Variants in MYO5C observed in about 807,000 individuals in gnomAD.
The protein encoded by MYO5C is myosin VC.
A neutral mutation model predicts 235.7 loss-of-function variants in MYO5C; 194 were observed. The observed-to-expected ratio is 0.82, with a 90% confidence interval of 0.73 to 0.93. The LOEUF is 0.93. Ranked by LOEUF, MYO5C falls within the 40% of genes least tolerant of loss-of-function variation. The probability of loss-of-function intolerance (pLI) is 0.00; values close to 1 mark genes in which losing one functional copy is unlikely to be tolerated. For missense variants in MYO5C, 2,038 were observed against 2,127.2 expected, an observed-to-expected ratio of 0.96 and a Z score of 0.82; for synonymous variants, 707 against 754.8, an observed-to-expected ratio of 0.94 and a Z score of 1.04.
chr15:52,222,634 G>GGCAC (rs146264412), intron 29 of MYO5C, among the ~76,000 whole-genome samples: 1 of 131,442 alleles, frequency 7.6e-6, no homozygotes, highest in Non-Finnish European at 1.7e-5. Context: ...TGGGGTGGTG[G>GGCAC]GCAGTGAATG....
intron 1 of MYO5C, among the ~76,000 whole-genome samples, chr15:52,291,703 G>A (rs2037390142): frequency 7.2e-6 from 1 of 138,186 alleles, no homozygotes; most frequent in African/African-American, 2.7e-5. Context: ...GATATGTGTG[G>A]TCTTTTTTCT....
At chr15:52,203,019 C>A (rs1384170152) in intron 38 of MYO5C, among the ~76,000 whole-genome samples, 1 of 150,462 alleles carries the variant, frequency 6.6e-6, no homozygotes, top group Non-Finnish European at 1.5e-5. Context: ...CTCCCCAGTT[C>A]TAGTGATTCT....
chr15:52,264,163 G>A, intron 9 of MYO5C, 27 bp downstream of exon 9: 2 of 1,558,848 alleles, frequency 1.3e-6, no homozygotes, highest in East Asian at 2.2e-5. Flanking sequence ...TTAGACAAAG[G>A]AAAAGTAAAA....
intron 32 of MYO5C, among the ~76,000 whole-genome samples, chr15:52,217,722 AAT>A (rs1438799325): frequency 2.0e-5 from 3 of 152,140 alleles, no homozygotes; most frequent in Non-Finnish European, 4.4e-5. Context: ...TGACACTCAA[AAT>A]ATGTTTTTCC....
chr15:52,295,521 G>C, intron 1 of MYO5C, 89 bp downstream of exon 1: 1 of 1,428,152 alleles, frequency 7.0e-7, no homozygotes, highest in Non-Finnish European at 9.3e-7. Context: ...GCGCAGGTGT[G>C]GCAGGTGTGG....
intron 1 of MYO5C, among the ~76,000 whole-genome samples, chr15:52,286,730 T>C (rs1408470065): frequency 3.3e-5 from 5 of 151,928 alleles, no homozygotes; most frequent in Non-Finnish European, 5.9e-5. Flanking sequence ...GTTAAACAAA[T>C]GCTTGAAGGC....
intron 10 of MYO5C, among the ~76,000 whole-genome samples, chr15:52,257,437 A>T (rs762131407): frequency 7.9e-5 from 12 of 152,196 alleles, no homozygotes; most frequent in Non-Finnish European, 1.6e-4. Context: ...GTAGCCATGG[A>T]TGAATGCGGC....
chr15:52,201,529 A>G (rs1366550042), intron 38 of MYO5C, among the ~76,000 whole-genome samples: 1 of 152,186 alleles, frequency 6.6e-6, no homozygotes, highest in Non-Finnish European at 1.5e-5. Context: ...ATACTAAAAT[A>G]CTTTCTTCAG....
chr15:52,282,799 G>A lies in MYO5C; in HGVS notation c.121C>T (p.Leu41=). ...YRVGDKVLRL[L]LEDGTELDYS... ...ACCCTCACCGTTCCATCCTCCAGCA[G>A]GAGTCGCAGGACCTTGTCACCAACT... Residue 41 remains leucine, a synonymous_variant, in exon 2 of 41, where the codon CTG becomes TTG. Coordinates refer to ENST00000261839, the MANE Select transcript of MYO5C (RefSeq NM_018728.4). 1 of 1,610,326 alleles carries A rather than the reference G, an allele frequency of 6.2e-7. No individual in the cohort carries two copies. Among genetic ancestry groups the A allele is most frequent in the East Asian group, 2.2e-5 (1 of 44,868 alleles).
chr15:52,278,929 G>A lies in MYO5C; in HGVS notation c.393C>T (p.Gly131=), dbSNP rs368673309. The A allele has an allele frequency of 3.7e-6, 6 of 1,614,102 alleles. No homozygotes were observed. The highest frequency in any genetic ancestry group is 1.3e-5 in the African/African-American group (1 of 75,020). ...IIHAYSGQNM[G]DMDPHIFAVA... is the part of the protein sequence containing the mutation. ...CGGCAAATATGTGTGGGTCCATATC[G>A]CCCATGTTCTGCCCGCTGTAGGCGT... Residue 131 remains glycine (G), a synonymous_variant, in exon 4 of 41, where the codon GGC becomes GGT. Coordinates refer to ENST00000261839, the MANE Select transcript of MYO5C (RefSeq NM_018728.4).
intron 7 of MYO5C, among the ~76,000 whole-genome samples, chr15:52,270,874 T>G (rs2036910073): frequency 6.6e-6 from 1 of 152,016 alleles, no homozygotes; most frequent in South Asian, 2.1e-4. Context: ...AATTAGAGAG[T>G]GTGAGTTCAA....
intron 34 of MYO5C, among the ~76,000 whole-genome samples, chr15:52,212,272 A>C (rs142249809): frequency 7.0e-4 from 107 of 152,264 alleles, no homozygotes; most frequent in African/African-American, 2.2e-3. Flanking sequence ...AGCTGCCTTG[A>C]ATAGGGAAAG....
intron 11 of MYO5C, 47 bp downstream of exon 11, chr15:52,256,592 C>CGCGCGCGT (rs1555417663): frequency 1.4e-6 from 2 of 1,446,252 alleles, no homozygotes; most frequent in Non-Finnish European, 9.6e-7. Flanking sequence ...CACACACGCG[C>CGCGCGCGT]GCGCGCGCGG....
At chr15:52,213,950 G>A (rs891339657) in intron 33 of MYO5C, among the ~76,000 whole-genome samples, 3 of 152,216 alleles carry the variant, frequency 2.0e-5, no homozygotes, top group Non-Finnish European at 4.4e-5. Context: ...CAAATTTGAG[G>A]TGAGAGTTGG....
chr15:52,279,315 C>T (rs1158136776), intron 3 of MYO5C, among the ~76,000 whole-genome samples, 194 bp downstream of exon 3: 7 of 152,168 alleles, frequency 4.6e-5, no homozygotes, highest in Non-Finnish European at 8.8e-5. Flanking sequence ...ATGAGAAACT[C>T]AAACACGAGC....
chr15:52,246,096 C>A, intron 16 of MYO5C, 54 bp from the exon 17 acceptor site: 1 of 1,427,656 alleles, frequency 7.0e-7, no homozygotes, highest in East Asian at 2.3e-5. Flanking sequence ...CTCAACATGC[C>A]CATAAACAGG....
At position 52,205,062 on chromosome 15, in the gene MYO5C, G is replaced by A. The variant is rs997854517; in HGVS notation, c.4623C>T (p.Asp1541=). The A allele has an allele frequency of 6.2e-6, 10 of 1,614,204 alleles. No individual in the cohort carries two copies. The highest frequency in any genetic ancestry group is 1.1e-5 in the South Asian group (1 of 91,086). Residue 1541 remains aspartate (D), a synonymous_variant, in exon 38 of 41, where the codon GAC becomes GAT. Coordinates refer to ENST00000261839, the MANE Select transcript of MYO5C (RefSeq NM_018728.4). The stretch of plus-strand genomic sequence containing the variant: ...AGGTCATGGTGTAGCCGTCCGTGTC[G>A]TCTATGCTAGAGGAGCGCTTCCGGA... The part of the protein sequence containing the change: ...TGFRKRSSSI[D]DTDGYTMTSV...
At chr15:52,220,557 G>A (rs1051374018) in intron 30 of MYO5C, among the ~76,000 whole-genome samples, 5 of 151,998 alleles carry the variant, frequency 3.3e-5, no homozygotes, top group African/African-American at 1.2e-4. Context: ...AGTAGCTCAC[G>A]GCTGTAATCC....
At chr15:52,197,246 C>T (rs1332482046) in intron 38 of MYO5C, among the ~76,000 whole-genome samples, 4 of 152,186 alleles carry the variant, frequency 2.6e-5, no homozygotes, top group African/African-American at 9.7e-5. Flanking sequence ...AAATATCCAT[C>T]AACTGATGAA....
Sources: allele counts gnomAD v4.1 joint callset (sites outside exome capture counted in the v4.1 genomes callset), GRCh38; gene constraint gnomAD v4.1.1; transcripts MANE v1.5; gene names NCBI Gene and HGNC (gene_info 2026-07-23, HGNC 2026-07-21).